Variants in SLC1A3 observed in about 807,000 individuals in gnomAD.
The protein encoded by SLC1A3 is solute carrier family 1 member 3.
SLC1A3 carries 21 observed loss-of-function variants against 48.1 expected under a neutral mutation model. The ratio of observed to expected loss-of-function variants is 0.44; its 90% CI spans 0.31 to 0.63. The LOEUF (loss-of-function observed/expected upper bound fraction) is 0.63. Ranked by LOEUF, SLC1A3 falls within the 20% of genes least tolerant of loss-of-function variation. The pLI is 0.08. For missense variants in SLC1A3, 546 were observed against 689.0 expected, an observed-to-expected ratio of 0.79 and a Z score of 2.32; for synonymous variants, 239 against 251.4, an observed-to-expected ratio of 0.95 and a Z score of 0.47.
In SLC1A3 at chr5:36,645,053, C is replaced by T. The variant is rs148148527; in HGVS notation, c.319+15466C>T. ...TCAGGCTATATCTCAATTTATGGGGCGGCGTCATTGCTGAAAGTTCTGTGT... is the reference window on the plus strand; with the variant it reads ...TCAGGCTATATCTCAATTTATGGGGTGGCGTCATTGCTGAAAGTTCTGTGT... On this transcript the variant is annotated intron_variant, in intron 3 of 9. Transcript: ENST00000265113. Among the ~76,000 whole-genome samples the T allele has an allele frequency of 5.2e-3, 798 of 152,208 alleles. 3 individuals carry two copies. The highest frequency in any genetic ancestry group is 7.8e-3 in the Non-Finnish European group (528 of 68,012).
chr5:36,632,549 TGCA>T (rs1740176518), intron 3 of SLC1A3, among the ~76,000 whole-genome samples: 1 of 152,230 alleles, frequency 6.6e-6, no homozygotes, highest in Non-Finnish European at 1.5e-5. Context: ...TGGTCTTTTC[TGCA>T]CCAGAAGGAA....
chr5:36,682,889 A>G (rs562507927), intron 8 of SLC1A3, among the ~76,000 whole-genome samples: 10 of 152,362 alleles, frequency 6.6e-5, no homozygotes, highest in African/African-American at 2.4e-4. Flanking sequence ...GGGGACCAGT[A>G]TGGGGACCAT....
intron 1 of SLC1A3, among the ~76,000 whole-genome samples, chr5:36,607,676 C>T (rs78992973): frequency 0.021 from 3,231 of 152,156 alleles, 50 homozygotes; most frequent in Non-Finnish European, 0.035. Flanking sequence ...ATAGATGTGC[C>T]CAGAGCACTT....
At chr5:36,616,638 G>T (rs977351387) in intron 2 of SLC1A3, among the ~76,000 whole-genome samples, 8 of 152,168 alleles carry the variant, frequency 5.3e-5, no homozygotes, top group African/African-American at 1.9e-4. Context: ...TCAGAACCTT[G>T]TATGATGAGG....
At chr5:36,682,401 A>C (rs1195910640) in intron 8 of SLC1A3, among the ~76,000 whole-genome samples, 1 of 152,178 alleles carries the variant, frequency 6.6e-6, no homozygotes, top group African/African-American at 2.4e-5. Context: ...TCAATGACTG[A>C]CCTGGGGGTT....
rs68027582 is a variant in SLC1A3, at chr5:36,645,319, CTTTTTTTTTTT to C, written c.319+15751_319+15761del. ...ATCTTTGAGGACTGACTTCCGCTGC[CTTTTTTTTTTT>C]TTTTTTTTTTTTTTTTTTGATAGAG... On this transcript the variant is annotated intron_variant, in intron 3 of 9. Coordinates refer to ENST00000265113, the MANE Select transcript of SLC1A3 (RefSeq NM_004172.5). Among the ~76,000 whole-genome samples, 45 of 84,298 alleles carry C rather than the reference CTTTTTTTTTTT, an allele frequency of 5.3e-4. 1 individual carries two copies. The highest frequency in any genetic ancestry group is 1.7e-3 in the African/African-American group (41 of 23,486). 55.3% of individuals were successfully genotyped at this position (84,298 alleles called of 152,430 possible).
chr5:36,682,612 A>G lies in SLC1A3; in HGVS notation c.1290-1252A>G, dbSNP rs116423935. Among the ~76,000 whole-genome samples, 655 of 152,348 alleles carry G rather than the reference A, an allele frequency of 4.3e-3. 2 individuals carry two copies. Among genetic ancestry groups the G allele is most frequent in the African/African-American group, 0.014 (574 of 41,582 alleles). ...TTCATGCAGCACAGCTCTGCTCCAC[A>G]AAGCCTTCAAGGCTGATTGATAGGT... On this transcript the variant is annotated intron_variant, in intron 8 of 9. Transcript: ENST00000265113.
At chr5:36,639,991 G>A (rs911823482) in intron 3 of SLC1A3, among the ~76,000 whole-genome samples, 3 of 152,144 alleles carry the variant, frequency 2.0e-5, no homozygotes, top group African/African-American at 7.2e-5. Context: ...AGATGCTGGA[G>A]TTTCTGCTAG....
At chr5:36,615,279 T>C (rs1268772294) in intron 2 of SLC1A3, among the ~76,000 whole-genome samples, 5 of 152,262 alleles carry the variant, frequency 3.3e-5, no homozygotes, top group Admixed American at 6.5e-5. Context: ...TTTGGACTAA[T>C]GTCTGCTTCC....
chr5:36,612,743 CA>C, intron 2 of SLC1A3: 1 of 455,304 alleles, frequency 2.2e-6, no homozygotes, highest in East Asian at 7.0e-5. Flanking sequence ...TCTCATTGTA[CA>C]GATGAAAAAA....
chr5:36,660,673 CTGCTTTA>C (rs1321055341), intron 3 of SLC1A3, among the ~76,000 whole-genome samples: 1 of 152,270 alleles, frequency 6.6e-6, no homozygotes, highest in Non-Finnish European at 1.5e-5. Flanking sequence ...TGCAGTAACA[CTGCTTTA>C]TTGTTTGGCT....
intron 3 of SLC1A3, among the ~76,000 whole-genome samples, chr5:36,638,106 C>G (rs1294418848): frequency 6.6e-6 from 1 of 152,120 alleles, no homozygotes; most frequent in African/African-American, 2.4e-5. Context: ...CCTGGCTTTC[C>G]CCTGCTAATA....
At chr5:36,615,350 A>G (rs1412155758) in intron 2 of SLC1A3, among the ~76,000 whole-genome samples, 2 of 152,250 alleles carry the variant, frequency 1.3e-5, no homozygotes. Flanking sequence ...CTGAATATAT[A>G]GAATAATAAA....
At chr5:36,645,073 C>T (rs879754078) in intron 3 of SLC1A3, among the ~76,000 whole-genome samples, 1 of 152,184 alleles carries the variant, frequency 6.6e-6, no homozygotes, top group Non-Finnish European at 1.5e-5. Flanking sequence ...GCTGAAAGTT[C>T]TGTGTAGGTC....
intron 2 of SLC1A3, among the ~76,000 whole-genome samples, chr5:36,627,268 C>A (rs1215250151): frequency 6.6e-6 from 1 of 151,908 alleles, no homozygotes; most frequent in Admixed American, 6.6e-5. Context: ...TAAGTAAATA[C>A]AAAATAAAAC....
chr5:36,621,401 C>T (rs1021291134), intron 2 of SLC1A3, among the ~76,000 whole-genome samples: 2 of 152,036 alleles, frequency 1.3e-5, no homozygotes, highest in Admixed American at 6.5e-5. Context: ...TCTAGGGGGG[C>T]TTGCCAGGAG....
upstream of SLC1A3, among the ~76,000 whole-genome samples, chr5:36,602,139 A>G (rs1738816074): frequency 6.6e-6 from 1 of 152,156 alleles, no homozygotes; most frequent in African/African-American, 2.4e-5. Context: ...CCCAGAAGAA[A>G]TAACAGATTG....
chr5:36,674,170 G>A, intron 5 of SLC1A3, 79 bp downstream of exon 5: 1 of 1,121,844 alleles, frequency 8.9e-7, no homozygotes, highest in Non-Finnish European at 1.4e-6. Context: ...TCTTTTCCCT[G>A]CTCATTTCTC....
chr5:36,662,507 G>T (rs1454720602), intron 3 of SLC1A3, among the ~76,000 whole-genome samples: 1 of 152,118 alleles, frequency 6.6e-6, no homozygotes, highest in Non-Finnish European at 1.5e-5. Context: ...GGTCCCGCTC[G>T]CCTCTCCCTC....
Sources: allele counts gnomAD v4.1 joint callset (sites outside exome capture counted in the v4.1 genomes callset), GRCh38; gene constraint gnomAD v4.1.1; transcripts MANE v1.5; gene names NCBI Gene and HGNC (gene_info 2026-07-23, HGNC 2026-07-21).